SPATA31D1: variants seen among roughly 807,000 people sequenced by gnomAD.
SPATA31D1 encodes the protein spermatogenesis-associated protein 31D1.
SPATA31D1 carries 6 observed loss-of-function variants against 13.2 expected under a neutral mutation model. The ratio of observed to expected loss-of-function variants is 0.46; its 90% CI spans 0.25 to 0.90. The LOEUF (loss-of-function observed/expected upper bound fraction) is 0.90. SPATA31D1 is among the 40% of genes least tolerant of loss of function. The probability of loss-of-function intolerance (pLI) is 0.18; values close to 1 mark genes in which losing one functional copy is unlikely to be tolerated. For synonymous variants in SPATA31D1, 903 were observed against 718.8 expected (o/e 1.26, Z -4.10); for missense variants, 2,445 against 1,884.7 (o/e 1.30, Z -5.50).
In SPATA31D1 at chr9:81,990,500, C is replaced by T. The variant is rs781193381; in HGVS notation, c.302+14C>T. The T allele has an allele frequency of 8.2e-6, 13 of 1,592,478 alleles. No individual in the cohort carries two copies. The highest frequency in any genetic ancestry group is 1.7e-4 in the Middle Eastern group (1 of 6,046). On this transcript the variant is annotated intron_variant, in intron 3 of 3. Transcript: ENST00000344803. ...TCTTCTGAAAAGGTGATTAATCTTT[C>T]CCTTTGTGTCCTGTTCCCACCCCAC... is the stretch of plus-strand genomic sequence containing the variant.
Position 81,994,564 on chromosome 9 carries a change from G to A in SPATA31D1, c.4094G>A (p.Ser1365Asn). 1.2e-6 allele frequency: 2 copies of A among 1,613,086 alleles called. No homozygotes were observed. The highest frequency in any genetic ancestry group is 1.3e-5 in the African/African-American group (1 of 75,036). The stretch of plus-strand genomic sequence containing the variant: ...TCTTTGCAGTGGTTTAATAAACCCA[G>A]CATATCATATGAAGAACAAGAAAGT... ...KTSLQWFNKP[S>N]ISYEEQESSW... The change falls in exon 4 of 4, where the codon AGC (serine) becomes AAC (asparagine). Residue 1365 changes from serine to asparagine, a missense_variant. Physicochemically the swap from Ser to Asn is conservative, Grantham distance 46. Transcript: ENST00000344803.
rs769458384 is a variant in SPATA31D1 at position 81,994,944 on chromosome 9, A to C, written c.4474A>C (p.Ile1492Leu). The stretch of plus-strand genomic sequence containing the variant: ...GAATTATCCTACAAGGATTAGACAG[A>C]TCATAGACAAGGACAGACAGCCCCA... ...GQNYPTRIRQIIDKDRQPQKV... is the reference protein window; with the variant it reads ...GQNYPTRIRQLIDKDRQPQKV... Residue 1492 changes from isoleucine to leucine, a missense_variant, in exon 4 of 4, where the codon ATC (isoleucine) becomes CTC (leucine). By Grantham distance (5) the Ile-to-Leu change is conservative. Transcript: ENST00000344803. 3.4e-5 allele frequency: 55 copies of C among 1,613,900 alleles called. No homozygotes were observed. The highest frequency in any genetic ancestry group is 3.4e-5 in the Non-Finnish European group (40 of 1,179,894).
Position 81,994,583 on chromosome 9 carries a change from A to G in SPATA31D1, c.4113A>G (p.Gln1371=). ...FNKPSISYEE[Q]ESSWEKGSSL... is the part of the protein sequence containing the mutation. ...AACCCAGCATATCATATGAAGAACAAGAAAGTTCCTGGGAAAAGGGTAGCT... is the reference window on the plus strand; with the variant it reads ...AACCCAGCATATCATATGAAGAACAGGAAAGTTCCTGGGAAAAGGGTAGCT... Residue 1371 remains glutamine, a synonymous_variant, in exon 4 of 4, where the codon CAA becomes CAG. Coordinates refer to ENST00000344803, the MANE Select transcript of SPATA31D1 (RefSeq NM_001001670.3). 6.2e-7 allele frequency: 1 copy of G among 1,613,002 alleles called. No homozygotes were observed. Among genetic ancestry groups the G allele is most frequent in the South Asian group, 1.1e-5 (1 of 90,830 alleles).
At position 81,993,981 on chromosome 9, in the gene SPATA31D1, C is replaced by G. The variant is rs780631811; in HGVS notation, c.3511C>G (p.Leu1171Val). The G allele has an allele frequency of 1.1e-5, 18 of 1,613,728 alleles. No individual in the cohort carries two copies. Among genetic ancestry groups the G allele is most frequent in the Non-Finnish European group, 1.4e-5 (17 of 1,179,770 alleles). Reference protein sequence around the residue: ...LTTSKSGSCSLTNVKASTSNE... With the variant: ...LTTSKSGSCSVTNVKASTSNE... Reference sequence around the variant, plus strand: ...AACCAGCAAGTCAGGAAGCTGCTCACTGACAAATGTGAAAGCAAGCACTTC... The same window carrying G: ...AACCAGCAAGTCAGGAAGCTGCTCAGTGACAAATGTGAAAGCAAGCACTTC... The change falls in exon 4 of 4, where the codon CTG becomes GTG. Residue 1171 changes from leucine to valine, a missense_variant. Transcript: ENST00000344803.
rs1184486872 is a variant in SPATA31D1, at chr9:81,995,129, T to A, written c.4659T>A (p.Asp1553Glu). 6.2e-7 allele frequency: 1 copy of A among 1,602,004 alleles called. No homozygotes were observed. Among genetic ancestry groups the A allele is most frequent in the East Asian group, 2.3e-5 (1 of 44,426 alleles). Residue 1553 changes from aspartate to glutamate, a missense_variant, in exon 4 of 4, where the codon GAT becomes GAA. Physicochemically the swap from Asp to Glu is conservative, Grantham distance 45. Transcript: ENST00000344803. The stretch of plus-strand genomic sequence containing the variant: ...GTGCTAAAAGCCCTGTGTTTAGTGA[T>A]GTGCCTTTCCTAACTGGACAGAAAA... ...PTSAKSPVFS[D>E]VPFLTGQKML...
chr9:81,992,116 C>G lies in SPATA31D1; in HGVS notation c.1646C>G (p.Pro549Arg). Residue 549 changes from proline to arginine, a missense_variant, in exon 4 of 4, where the codon CCT becomes CGT. By Grantham distance (103) the Pro-to-Arg change is moderately radical (BLOSUM62 -2). Coordinates refer to ENST00000344803, the MANE Select transcript of SPATA31D1 (RefSeq NM_001001670.3). ...TCCCATGAATCCCCAGTACTTCCCC[C>G]TCCCCAACCTCTGTCCTTGCCTAGT... ...SISHESPVLP[P>R]PQPLSLPSTQ... 1.2e-6 allele frequency: 2 copies of G among 1,613,760 alleles called. No homozygotes were observed. Among genetic ancestry groups the G allele is most frequent in the South Asian group, 1.1e-5 (1 of 91,072 alleles).
At position 81,994,831 on chromosome 9, in the gene SPATA31D1, T is replaced by C. The variant is rs1178499895; in HGVS notation, c.4361T>C (p.Val1454Ala). ...GAAGTGCATGTCAGAGCAGAGCCTG[T>C]CCAGGGCTGTCCCTGCAACTACAGG... ...NPEVHVRAEP[V>A]QGCPCNYRAP... Residue 1454 changes from valine (V) to alanine (A), a missense_variant, in exon 4 of 4, where the codon GTC becomes GCC. Val to Ala is a moderately conservative substitution (Grantham distance 64). Coordinates refer to ENST00000344803, the MANE Select transcript of SPATA31D1 (RefSeq NM_001001670.3). 1 of 1,613,962 alleles carries C rather than the reference T, an allele frequency of 6.2e-7. No homozygotes were observed. Among genetic ancestry groups the C allele is most frequent in the South Asian group, 1.1e-5 (1 of 91,080 alleles).
At position 81,993,493 on chromosome 9, in the gene SPATA31D1, C is replaced by T. The variant is rs767994748; in HGVS notation, c.3023C>T (p.Thr1008Ile). ...ACCCTGAGAAGACAATTTTCTGATA[C>T]TGACCATGACCTTATAGAGACAGAT... ...QGTLRRQFSDTDHDLIETDSK... is the reference protein window; with the variant it reads ...QGTLRRQFSDIDHDLIETDSK... The change falls in exon 4 of 4, where the codon ACT becomes ATT. Residue 1008 changes from threonine (T) to isoleucine (I), a missense_variant. Coordinates refer to ENST00000344803, the MANE Select transcript of SPATA31D1 (RefSeq NM_001001670.3). 21 of 1,613,776 alleles carry T rather than the reference C, an allele frequency of 1.3e-5. No individual in the cohort carries two copies. The highest frequency in any genetic ancestry group is 5.3e-5 in the African/African-American group (4 of 74,910).
Position 81,994,621 on chromosome 9 carries a change from G to C in SPATA31D1, c.4151G>C (p.Cys1384Ser), listed in dbSNP as rs1825057600. The change falls in exon 4 of 4, where the codon TGT (cysteine) becomes TCT (serine). Residue 1384 changes from cysteine to serine, a missense_variant. By Grantham distance (112) the Cys-to-Ser change is moderately radical. Transcript: ENST00000344803. ...GAAAAGGGTAGCTCCCTGTCATCAT[G>C]TGTGCAGAATATTGGTCGAGTTATA... ...SWEKGSSLSSCVQNIGRVIRA... is the reference protein window; with the variant it reads ...SWEKGSSLSSSVQNIGRVIRA... 6.2e-7 allele frequency: 1 copy of C among 1,613,274 alleles called. No individual in the cohort carries two copies. Among genetic ancestry groups the C allele is most frequent in the Non-Finnish European group, 8.5e-7 (1 of 1,179,568 alleles).
chr9:81,993,270 G>C lies in SPATA31D1; in HGVS notation c.2800G>C (p.Asp934His). 6.2e-7 allele frequency: 1 copy of C among 1,613,950 alleles called. No individual in the cohort carries two copies. The highest frequency in any genetic ancestry group is 8.5e-7 in the Non-Finnish European group (1 of 1,179,882). Residue 934 changes from aspartate to histidine, a missense_variant, in exon 4 of 4, where the codon GAC becomes CAC. Transcript: ENST00000344803. Reference sequence around the variant, plus strand: ...CATAGAAATCTTCAAATCGAAAGCGGACCTTTCCACTTCCTTTTCCCATTT... The same window carrying C: ...CATAGAAATCTTCAAATCGAAAGCGCACCTTTCCACTTCCTTTTCCCATTT... Reference protein sequence around the residue: ...ESIEIFKSKADLSTSFSHFDL... With the variant: ...ESIEIFKSKAHLSTSFSHFDL...
rs1272654384 is a variant in SPATA31D1, at chr9:81,992,272, T to A, written c.1802T>A (p.Ile601Asn). The change falls in exon 4 of 4, where the codon ATC (isoleucine) becomes AAC (asparagine). Residue 601 changes from isoleucine (I) to asparagine (N), a missense_variant. Coordinates refer to ENST00000344803, the MANE Select transcript of SPATA31D1 (RefSeq NM_001001670.3). ...LLPSPLFLIR[I>N]CGVCFHRPQN... Reference sequence around the variant, plus strand: ...CCTAGTCCTCTATTCCTGATTAGGATCTGTGGAGTGTGTTTTCATAGACCC... The same window carrying A: ...CCTAGTCCTCTATTCCTGATTAGGAACTGTGGAGTGTGTTTTCATAGACCC... 6.2e-7 allele frequency: 1 copy of A among 1,613,618 alleles called. No individual in the cohort carries two copies. The highest frequency in any genetic ancestry group is 1.3e-5 in the African/African-American group (1 of 74,888).
At position 81,988,998 on chromosome 9, in the gene SPATA31D1, C is replaced by A. The variant is rs765603091; in HGVS notation, c.180C>A (p.Ile60=). 1.9e-5 allele frequency: 30 copies of A among 1,611,532 alleles called. No individual in the cohort carries two copies. Among genetic ancestry groups the A allele is most frequent in the Admixed American group, 3.3e-5 (2 of 59,974 alleles). The part of the protein sequence containing the change: ...YSSPTEKNND[I]QKHQGRAKRR... ...CACCCACCGAAAAAAATAATGACAT[C>A]CAAAAGGTAAGGAACTGTGGGTGAA... The change falls in exon 1 of 4, where the codon ATC becomes ATA. Residue 60 remains isoleucine (I), a synonymous_variant. Transcript: ENST00000344803.
chr9:81,992,733 A>G lies in SPATA31D1; in HGVS notation c.2263A>G (p.Ser755Gly). 3 of 1,613,782 alleles carry G rather than the reference A, an allele frequency of 1.9e-6. No individual in the cohort carries two copies. The South Asian group carries it at 3.3e-5, about 18-fold the overall frequency. ...GAAGTCCGCATCAAGCTTCCCTAGA[A>G]GCTTCCACGAGAGGAGCTCAAATAT... The part of the protein sequence containing the change: ...LKKSASSFPR[S>G]FHERSSNMLS... The change falls in exon 4 of 4, where the codon AGC (serine) becomes GGC (glycine). Residue 755 changes from serine (S) to glycine (G), a missense_variant. By Grantham distance (56) the Ser-to-Gly change is moderately conservative (BLOSUM62 0). Transcript: ENST00000344803.
In SPATA31D1 at chr9:81,988,986, A is replaced by G. The variant is rs1178331164; in HGVS notation, c.168A>G (p.Lys56=). ...VLTLYSSPTE[K]NNDIQKHQGR... ...CCCTGTATTCGTCACCCACCGAAAA[A>G]AATAATGACATCCAAAAGGTAAGGA... The change falls in exon 1 of 4, where the codon AAA becomes AAG. Residue 56 remains lysine, a synonymous_variant. Transcript: ENST00000344803. 3 of 1,611,852 alleles carry G rather than the reference A, an allele frequency of 1.9e-6. No homozygotes were observed. The highest frequency in any genetic ancestry group is 2.5e-6 in the Non-Finnish European group (3 of 1,179,698).
rs370865376 is a variant in SPATA31D1, at chr9:81,992,562, C to T, written c.2092C>T (p.Arg698Cys). Residue 698 changes from arginine (R) to cysteine (C), a missense_variant, in exon 4 of 4, where the codon CGC becomes TGC. Transcript: ENST00000344803. Reference sequence around the variant, plus strand: ...ACACATTCGAAGGAGGCTCATCCAGCGCAGATGGGGCCTGCCCCGCAGAAT... The same window carrying T: ...ACACATTCGAAGGAGGCTCATCCAGTGCAGATGGGGCCTGCCCCGCAGAAT... ...EQHIRRRLIQ[R>C]RWGLPRRIHE... 1.2e-5 allele frequency: 20 copies of T among 1,611,890 alleles called. No individual in the cohort carries two copies. Among genetic ancestry groups the T allele is most frequent in the Admixed American group, 5.0e-5 (3 of 60,002 alleles).
rs1230352298 is a variant in SPATA31D1, at chr9:81,993,152, C to G, written c.2682C>G (p.Phe894Leu). The change falls in exon 4 of 4, where the codon TTC becomes TTG. Residue 894 changes from phenylalanine (F) to leucine (L), a missense_variant. Physicochemically the swap from Phe to Leu is conservative, Grantham distance 22. Transcript: ENST00000344803. The stretch of plus-strand genomic sequence containing the variant: ...TTGATACTTCCCAGGAAATTTCCTT[C>G]CTTAGTTCCAACAAACAAAAGATGT... ...HCVDTSQEIS[F>L]LSSNKQKMLE... 1 of 1,613,988 alleles carries G rather than the reference C, an allele frequency of 6.2e-7. No individual in the cohort carries two copies. Among genetic ancestry groups the G allele is most frequent in the Admixed American group, 1.7e-5 (1 of 60,022 alleles).
chr9:81,990,823 A>C lies in SPATA31D1; in HGVS notation c.353A>C (p.Asn118Thr), dbSNP rs776728368. Reference protein sequence around the residue: ...CSPRGQHHDTNHFRRLLCPDP... With the variant: ...CSPRGQHHDTTHFRRLLCPDP... ...CCTCGGGGCCAGCATCATGATACCA[A>C]CCACTTTCGTCGACTGTTATGCCCA... The change falls in exon 4 of 4, where the codon AAC becomes ACC. Residue 118 changes from asparagine to threonine, a missense_variant. Transcript: ENST00000344803. The C allele has an allele frequency of 6.2e-6, 10 of 1,613,412 alleles. No homozygotes were observed. Among genetic ancestry groups the C allele is most frequent in the African/African-American group, 1.3e-5 (1 of 74,808 alleles).
chr9:81,994,585 A>G lies in SPATA31D1; in HGVS notation c.4115A>G (p.Glu1372Gly), dbSNP rs1825056363. 6.2e-7 allele frequency: 1 copy of G among 1,612,954 alleles called. No homozygotes were observed. Among genetic ancestry groups the G allele is most frequent in the East Asian group, 2.2e-5 (1 of 44,870 alleles). The change falls in exon 4 of 4, where the codon GAA becomes GGA. Residue 1372 changes from glutamate (E) to glycine (G), a missense_variant. Coordinates refer to ENST00000344803, the MANE Select transcript of SPATA31D1 (RefSeq NM_001001670.3). ...NKPSISYEEQ[E>G]SSWEKGSSLS... ...CCCAGCATATCATATGAAGAACAAG[A>G]AAGTTCCTGGGAAAAGGGTAGCTCC...
Position 81,992,170 on chromosome 9 carries a change from T to A in SPATA31D1, c.1700T>A (p.Leu567Gln). ...CAACCACTACCCTTGCCTCAAACCCTGCCCCAAGGTCAGTCCCCACATCTC... is the reference window on the plus strand; with the variant it reads ...CAACCACTACCCTTGCCTCAAACCCAGCCCCAAGGTCAGTCCCCACATCTC... Reference protein sequence around the residue: ...STQPLPLPQTLPQGQSPHLTQ... With the variant: ...STQPLPLPQTQPQGQSPHLTQ... The change falls in exon 4 of 4, where the codon CTG becomes CAG. Residue 567 changes from leucine (L) to glutamine (Q), a missense_variant. Coordinates refer to ENST00000344803, the MANE Select transcript of SPATA31D1 (RefSeq NM_001001670.3). The A allele has an allele frequency of 6.2e-7, 1 of 1,613,734 alleles. No homozygotes were observed. Among genetic ancestry groups the A allele is most frequent in the Non-Finnish European group, 8.5e-7 (1 of 1,179,716 alleles).
Sources: allele counts gnomAD v4.1 joint callset, GRCh38; gene constraint gnomAD v4.1.1; transcripts MANE v1.5; gene names NCBI Gene and HGNC (gene_info 2026-07-23, HGNC 2026-07-21).